BNIPL: variants seen among roughly 807,000 people sequenced by gnomAD.
BNIPL encodes BCL2 interacting protein like.
Under a neutral mutation model 47.0 loss-of-function variants are expected in BNIPL, and 33 were observed. The observed-to-expected ratio is 0.70, with a 90% CI of 0.53 to 0.94. BNIPL has a LOEUF of 0.94. Ranked by LOEUF, BNIPL falls within the 40% of genes least tolerant of loss-of-function variation. The pLI is 0.00. For synonymous variants in BNIPL, 145 were observed against 162.7 expected, an observed-to-expected ratio of 0.89 and a Z score of 0.83; for missense variants, 404 against 445.2, an observed-to-expected ratio of 0.91 and a Z score of 0.83.
At chr1:151,043,764 T>C (rs1323552592) in intron 7 of BNIPL, 37 bp downstream of exon 7, 1 of 1,553,542 alleles carries the variant, frequency 6.4e-7, no homozygotes, top group South Asian at 1.2e-5. Flanking sequence ...ACTCTCTATC[T>C]CATCTTTTTT....
rs375280990 is a variant in BNIPL at position 151,037,594 on chromosome 1, A to T, written c.69A>T (p.Glu23Asp). Reference sequence around the variant, plus strand: ...TCAGGGAGATTGCAGAAGCACCAGAACTAGGAGCAGCCCTGAGACATGGGG... The same window carrying T: ...TCAGGGAGATTGCAGAAGCACCAGATCTAGGAGCAGCCCTGAGACATGGGG... ...VGVREIAEAP[E>D]LGAALRHGEL... is the part of the protein sequence containing the mutation. The change falls in exon 2 of 10, where the codon GAA becomes GAT. Residue 23 changes from glutamate to aspartate, a missense_variant. Coordinates refer to ENST00000368931, the MANE Select transcript of BNIPL (RefSeq NM_138278.4). The T allele has an allele frequency of 8.1e-6, 13 of 1,607,916 alleles. No individual in the cohort carries two copies. In the African/African-American group the frequency reaches 1.1e-4, roughly 13 times the overall value.
rs1406240144 is a variant in BNIPL, at chr1:151,038,928, C to T, written c.335C>T (p.Pro112Leu). The T allele has an allele frequency of 6.2e-7, 1 of 1,614,020 alleles. No individual in the cohort carries two copies. Among genetic ancestry groups the T allele is most frequent in the Non-Finnish European group, 8.5e-7 (1 of 1,179,958 alleles). ...NDGASPTQSA[P>L]SSPDGSSDLE... is the part of the protein sequence containing the mutation. ...GGAGCTTCACCCACCCAGTCTGCAC[C>T]TTCCTCTCCTGATGGCAGTTCTGAC... The change falls in exon 4 of 10, where the codon CCT becomes CTT. Residue 112 changes from proline to leucine, a missense_variant. Physicochemically the swap from Pro to Leu is moderately conservative, Grantham distance 98. Transcript: ENST00000368931.
At chr1:151,037,880 A>C (rs1286743351) in intron 2 of BNIPL, among the ~76,000 whole-genome samples, 1 of 151,684 alleles carries the variant, frequency 6.6e-6, no homozygotes, top group Non-Finnish European at 1.5e-5. Context: ...CATGCCTGTA[A>C]TCCCAGCTAC....
chr1:151,036,962 C>T (rs587674840), intron 1 of BNIPL, among the ~76,000 whole-genome samples, 196 bp downstream of exon 1: 1 of 152,206 alleles, frequency 6.6e-6, no homozygotes, highest in South Asian at 2.1e-4. Context: ...GAACAGGATT[C>T]CAGGATAATT....
chr1:151,045,785 G>A lies in BNIPL; in HGVS notation c.852-12G>A. The A allele has an allele frequency of 1.2e-6, 2 of 1,614,094 alleles. No homozygotes were observed. Among genetic ancestry groups the A allele is most frequent in the East Asian group, 2.2e-5 (1 of 44,882 alleles). ...GGAAGAAGAAATAGGATGATCTCAT[G>A]TTGTTTTTCAGGCTACGGAAAAACC... On this transcript the variant is annotated splice_polypyrimidine_tract_variant and intron_variant, in intron 7 of 9. Transcript: ENST00000368931.
At chr1:151,037,327 C>T (rs1332497402) in intron 1 of BNIPL, 26 of 1,207,188 alleles carry the variant, frequency 2.2e-5, no homozygotes, top group Non-Finnish European at 2.7e-5. Context: ...GGAGCAACTG[C>T]TACAGAGGTA....
At chr1:151,046,629 C>G (rs199978453) in intron 9 of BNIPL, 22 bp from the exon 10 acceptor site, 2 of 1,597,770 alleles carry the variant, frequency 1.3e-6, no homozygotes, top group East Asian at 2.2e-5. Context: ...CCACTTCTCT[C>G]CTCCCCCTCT....
chr1:151,046,287 T>C (rs1003653465), intron 9 of BNIPL, 122 bp downstream of exon 9: 10 of 1,451,300 alleles, frequency 6.9e-6, no homozygotes, highest in Non-Finnish European at 9.1e-6. Flanking sequence ...TTTCGGGTGC[T>C]TTAATGTATA....
In BNIPL at chr1:151,038,821, C is replaced by T. The variant is rs760650714; in HGVS notation, c.228C>T (p.Ala76=). ...QAAAGTPSTL[A]LCGQRPMRKR... ...CTGCAGGTACCCCCAGCACTTTAGC[C>T]CTGTGTGGCCAGCGCCCCATGCGCA... is the stretch of plus-strand genomic sequence containing the variant. Residue 76 remains alanine, a synonymous_variant, in exon 4 of 10, where the codon GCC becomes GCT. Transcript: ENST00000368931. The T allele has an allele frequency of 6.2e-7, 1 of 1,605,570 alleles. No homozygotes were observed. Among genetic ancestry groups the T allele is most frequent in the South Asian group, 1.1e-5 (1 of 89,980 alleles).
chr1:151,046,006 A>C (rs1273218314), intron 8 of BNIPL, 61 bp from the exon 9 acceptor site: 2 of 1,612,214 alleles, frequency 1.2e-6, no homozygotes, highest in Admixed American at 1.7e-5. Flanking sequence ...TTTTCTTTGC[A>C]AGGATTTTTG....
At position 151,036,674 on chromosome 1, in the gene BNIPL, CTCCCCAA is replaced by C; in HGVS notation, c.-51_-45del. On this transcript the variant is annotated 5_prime_UTR_variant, in exon 1 of 10. Coordinates refer to ENST00000368931, the MANE Select transcript of BNIPL (RefSeq NM_138278.4). ...AAGTGTTGGGGGCTGGGACAACCAG[CTCCCCAA>C]CAACTCCTAGGTGTTTAAAGAAGGA... 1 of 1,509,120 alleles carries C rather than the reference CTCCCCAA, an allele frequency of 6.6e-7. No homozygotes were observed. The highest frequency in any genetic ancestry group is 2.3e-5 in the East Asian group (1 of 44,348). The allele number at this position is 1,509,120 out of a possible 1,614,324, so 93.5% of individuals were successfully genotyped here. A position where few individuals can be genotyped will look rare whatever the true frequency, so the allele number is the denominator to read the frequency against.
In BNIPL at chr1:151,046,680, G is replaced by C; in HGVS notation, c.1067G>C (p.Gly356Ala). The change falls in exon 10 of 10, where the codon GGG becomes GCG. Residue 356 changes from glycine to alanine, a missense_variant. Coordinates refer to ENST00000368931, the MANE Select transcript of BNIPL (RefSeq NM_138278.4). ...GACCGGGATCTCCATGGCTCAGGAG[G>C]GACATAGCACAGGACTGGATAAAAG... The part of the protein sequence containing the change: ...QLDRDLHGSG[G>A]T The C allele has an allele frequency of 6.2e-7, 1 of 1,600,856 alleles. No homozygotes were observed. Among genetic ancestry groups the C allele is most frequent in the Non-Finnish European group, 8.5e-7 (1 of 1,170,562 alleles).
Position 151,043,061 on chromosome 1 carries a change from T to A in BNIPL, c.539T>A (p.Val180Glu), listed in dbSNP as rs587731776. The change falls in exon 5 of 10, where the codon GTG becomes GAG. Residue 180 changes from valine to glutamate, a missense_variant. Physicochemically the swap from Val to Glu is moderately radical, Grantham distance 121. Coordinates refer to ENST00000368931, the MANE Select transcript of BNIPL (RefSeq NM_138278.4). ...VTGEDGHHWR[V>E]FRMGPREQRV... ...GGAGAAGATGGACATCACTGGAGGG[T>A]GTTCCGAATGGGACCACGGGAGCAG... 118 of 1,610,086 alleles carry A rather than the reference T, an allele frequency of 7.3e-5. No individual in the cohort carries two copies. The highest frequency in any genetic ancestry group is 1.9e-4 in the South Asian group (17 of 90,276).
At chr1:151,040,235 C>A (rs1049037325) in intron 4 of BNIPL, among the ~76,000 whole-genome samples, 1 of 152,200 alleles carries the variant, frequency 6.6e-6, no homozygotes, top group Admixed American at 6.5e-5. Flanking sequence ...GTCTGGAGTG[C>A]AATGGCACAA....
At chr1:151,046,232 T>C (rs1676018753) in intron 9 of BNIPL, 67 bp downstream of exon 9, 1 of 1,590,488 alleles carries the variant, frequency 6.3e-7, no homozygotes, top group Non-Finnish European at 8.6e-7. Context: ...ACTTTTTTAA[T>C]GCCTTGGGGG....
chr1:151,037,508 C>T, intron 1 of BNIPL, 59 bp from the exon 2 acceptor site: 11 of 1,544,060 alleles, frequency 7.1e-6, no homozygotes, highest in Non-Finnish European at 9.6e-6. Flanking sequence ...TTCTTCATTT[C>T]AATTATTCTT....
rs182321767 is a variant in BNIPL, at chr1:151,037,064, A to G, written c.41+298A>G. On this transcript the variant is annotated intron_variant, in intron 1 of 9. Transcript: ENST00000368931. ...TATTTTCTAACCCTCACCCTCCAGAATGGCCATCAGGAAAGCTGAACCAGA... is the reference window on the plus strand; with the variant it reads ...TATTTTCTAACCCTCACCCTCCAGAGTGGCCATCAGGAAAGCTGAACCAGA... Among the ~76,000 whole-genome samples the G allele has an allele frequency of 5.9e-5, 9 of 152,286 alleles. No individual in the cohort carries two copies. The South Asian group carries it at 1.7e-3, about 28-fold the overall frequency.
Position 151,047,621 on chromosome 1 carries a change from A to G in BNIPL, c.*934A>G, listed in dbSNP as rs977832904. 7.1e-5 allele frequency: 43 copies of G among 608,998 alleles called. No homozygotes were observed. Among genetic ancestry groups the G allele is most frequent in the African/African-American group, 6.8e-4 (36 of 52,920 alleles). 37.7% of individuals were successfully genotyped at this position (608,998 alleles called of 1,614,324 possible). On this transcript the variant is annotated 3_prime_UTR_variant, in exon 10 of 10. Coordinates refer to ENST00000368931, the MANE Select transcript of BNIPL (RefSeq NM_138278.4). Reference sequence around the variant, plus strand: ...CAAAGAAGTGAACGACTCTTTCACCACCCCTTGCATCCCAAACCTTCGGTT... The same window carrying G: ...CAAAGAAGTGAACGACTCTTTCACCGCCCCTTGCATCCCAAACCTTCGGTT...
In BNIPL at chr1:151,046,942, T is replaced by C; in HGVS notation, c.*255T>C. The C allele has an allele frequency of 2.6e-6, 1 of 384,556 alleles. No individual in the cohort carries two copies. Among genetic ancestry groups the C allele is most frequent in the Non-Finnish European group, 4.7e-6 (1 of 214,946 alleles). The allele number at this position is 384,556 out of a possible 1,614,324, so 23.8% of individuals were successfully genotyped here. A position where few individuals can be genotyped will look rare whatever the true frequency, so the allele number is the denominator to read the frequency against. On this transcript the variant is annotated 3_prime_UTR_variant, in exon 10 of 10. Coordinates refer to ENST00000368931, the MANE Select transcript of BNIPL (RefSeq NM_138278.4). ...GAATGTAGGGTCATTTTGTATGGGATATGCAGAGCTCTGGGTTTTTTTGTT... is the reference window on the plus strand; with the variant it reads ...GAATGTAGGGTCATTTTGTATGGGACATGCAGAGCTCTGGGTTTTTTTGTT...
Sources: allele counts gnomAD v4.1 joint callset (sites outside exome capture counted in the v4.1 genomes callset), GRCh38; gene constraint gnomAD v4.1.1; transcripts MANE v1.5; gene names NCBI Gene and HGNC (gene_info 2026-07-23, HGNC 2026-07-21).